The following CHCHD3 variants were observed in gnomAD, a reference collection of about 807,000 sequenced individuals.
CHCHD3 encodes the protein MICOS complex subunit MIC19.
CHCHD3 carries 20 observed loss-of-function variants against 38.2 expected under a neutral mutation model. The ratio of observed to expected loss-of-function variants is 0.52; its 90% CI spans 0.37 to 0.76. CHCHD3 has a LOEUF of 0.76. Ranked by LOEUF, CHCHD3 falls within the 30% of genes least tolerant of loss-of-function variation. CHCHD3 has a pLI of 0.00. For missense variants in CHCHD3, 245 were observed against 279.2 expected (o/e 0.88, Z 0.87); for synonymous variants, 82 against 100.0 (o/e 0.82, Z 1.07).
At chr7:133,050,575 C>T (rs949863386) in intron 2 of CHCHD3, among the ~76,000 whole-genome samples, 2 of 151,944 alleles carry the variant, frequency 1.3e-5, no homozygotes, top group Non-Finnish European at 2.9e-5. Context: ...AATATTGCTA[C>T]CAATTCATTT....
At chr7:133,032,295 G>A (rs1813525355) in intron 2 of CHCHD3, among the ~76,000 whole-genome samples, 1 of 152,066 alleles carries the variant, frequency 6.6e-6, no homozygotes, top group East Asian at 1.9e-4. Flanking sequence ...AAAACAAATG[G>A]CATCTGTCTA....
intron 3 of CHCHD3, among the ~76,000 whole-genome samples, chr7:133,009,499 G>A (rs1225713662): frequency 3.3e-5 from 5 of 151,742 alleles, no homozygotes; most frequent in African/African-American, 1.2e-4. Flanking sequence ...AGGCTGAGGG[G>A]GGCACGAGGA....
At chr7:132,998,013 T>C (rs1219499819) in intron 3 of CHCHD3, among the ~76,000 whole-genome samples, 2 of 152,244 alleles carry the variant, frequency 1.3e-5, no homozygotes, top group East Asian at 1.9e-4. Context: ...CATTAAGATG[T>C]ATAGCAGATG....
intron 6 of CHCHD3, among the ~76,000 whole-genome samples, chr7:132,800,029 C>T (rs988985423): frequency 4.6e-5 from 7 of 152,128 alleles, no homozygotes; most frequent in Non-Finnish European, 7.4e-5. Flanking sequence ...GGTAGATATT[C>T]TGTAGCCTGT....
chr7:132,943,870 G>C (rs1336506556), intron 4 of CHCHD3, among the ~76,000 whole-genome samples: 1 of 152,046 alleles, frequency 6.6e-6, no homozygotes, highest in Non-Finnish European at 1.5e-5. Context: ...ACAGATAAAA[G>C]TGAAATCTTC....
intron 6 of CHCHD3, among the ~76,000 whole-genome samples, chr7:132,812,484 C>A (rs1185979196): frequency 6.6e-6 from 1 of 152,112 alleles, no homozygotes; most frequent in Non-Finnish European, 1.5e-5. Context: ...GCTGGAATTA[C>A]AGGCATGAGC....
chr7:132,962,063 T>C (rs1466492701), intron 4 of CHCHD3, among the ~76,000 whole-genome samples: 3 of 152,214 alleles, frequency 2.0e-5, no homozygotes, highest in Non-Finnish European at 4.4e-5. Context: ...CTCTCTCATG[T>C]TGACACTTTC....
intron 5 of CHCHD3, among the ~76,000 whole-genome samples, chr7:132,839,382 A>C (rs1314736387): frequency 6.6e-6 from 1 of 152,166 alleles, no homozygotes; most frequent in Non-Finnish European, 1.5e-5. Flanking sequence ...ATGCAGTGGC[A>C]AAGTAATGCC....
intron 4 of CHCHD3, among the ~76,000 whole-genome samples, chr7:132,905,825 C>A (rs578099111): frequency 6.6e-6 from 1 of 152,146 alleles, no homozygotes; most frequent in South Asian, 2.1e-4. Context: ...ATTTACTAAT[C>A]GAGATGAGTA....
chr7:132,809,874 T>C (rs1807024084), intron 6 of CHCHD3, among the ~76,000 whole-genome samples: 1 of 152,206 alleles, frequency 6.6e-6, no homozygotes, highest in African/African-American at 2.4e-5. Context: ...AGGAACTAAA[T>C]TCATTTCAAA....
intron 2 of CHCHD3, 24 bp from the exon 3 acceptor site, chr7:133,024,651 G>C: frequency 6.6e-7 from 1 of 1,517,098 alleles, no homozygotes; most frequent in Non-Finnish European, 9.2e-7. Context: ...AGAGCAGAAG[G>C]AGATAAAATA....
At chr7:132,887,573 A>AT (rs1396295511) in intron 4 of CHCHD3, among the ~76,000 whole-genome samples, 1 of 151,668 alleles carries the variant, frequency 6.6e-6, no homozygotes, top group Non-Finnish European at 1.5e-5. Flanking sequence ...TGTTATTAAC[A>AT]TATAGAGCAC....
intron 4 of CHCHD3, among the ~76,000 whole-genome samples, chr7:132,961,577 T>C (rs1440644081): frequency 6.6e-6 from 1 of 152,228 alleles, no homozygotes; most frequent in Non-Finnish European, 1.5e-5. Flanking sequence ...ACATCTATCA[T>C]CTCACACCTG....
At chr7:133,043,042 T>C (rs1813875491) in intron 2 of CHCHD3, among the ~76,000 whole-genome samples, 1 of 152,018 alleles carries the variant, frequency 6.6e-6, no homozygotes, top group South Asian at 2.1e-4. Context: ...AATTTTTGTA[T>C]TTTTTGTAGA....
chr7:132,889,964 A>G (rs1809318692), intron 4 of CHCHD3, among the ~76,000 whole-genome samples: 1 of 152,248 alleles, frequency 6.6e-6, no homozygotes, highest in African/African-American at 2.4e-5. Context: ...ATATAGAACC[A>G]TATCTTGGGA....
chr7:132,839,177 A>G (rs1807876217), intron 5 of CHCHD3, among the ~76,000 whole-genome samples: 1 of 151,684 alleles, frequency 6.6e-6, no homozygotes, highest in Admixed American at 6.6e-5. Flanking sequence ...GGGCAACAAG[A>G]GCAAAATTCC....
chr7:133,042,819 A>G (rs993082110), intron 2 of CHCHD3, among the ~76,000 whole-genome samples: 13 of 152,220 alleles, frequency 8.5e-5, no homozygotes, highest in Non-Finnish European at 1.6e-4. Context: ...TAAATAATGA[A>G]TATTATTAAT....
At chr7:132,965,432 G>T (rs942004519) in intron 4 of CHCHD3, among the ~76,000 whole-genome samples, 3 of 149,082 alleles carry the variant, frequency 2.0e-5, no homozygotes, top group Non-Finnish European at 3.0e-5. Context: ...AGATAGTACA[G>T]TTGAAGGCTC....
intron 6 of CHCHD3, among the ~76,000 whole-genome samples, chr7:132,833,206 C>T (rs1484551321): frequency 6.6e-6 from 1 of 152,112 alleles, no homozygotes; most frequent in Non-Finnish European, 1.5e-5. Context: ...ATAATAGAAA[C>T]TAGCACCCTA....
Sources: allele counts gnomAD v4.1 joint callset (sites outside exome capture counted in the v4.1 genomes callset), GRCh38; gene constraint gnomAD v4.1.1; transcripts MANE v1.5; gene names NCBI Gene and HGNC (gene_info 2026-07-23, HGNC 2026-07-21).